The following LIMS4 variants were observed in gnomAD, a reference collection of about 807,000 sequenced individuals.
LIMS4 encodes the protein LIM zinc finger domain containing 4.
At chr2:110,375,983 CA>C in the LIMS4 span, 2 of 85,386 alleles carry the variant, frequency 2.3e-5, no homozygotes, top group African/African-American at 1.9e-4. Context: ...AAGAGGATCT[CA>C]CCAGGCTAAA....
chr2:110,397,575 AT>A, the LIMS4 span: 2 of 90,826 alleles, frequency 2.2e-5, no homozygotes, highest in Non-Finnish European at 4.6e-5. Flanking sequence ...TAGTTCCACA[AT>A]GCATATAAGG....
the LIMS4 span, chr2:110,387,601 CTCCACCTCCTGGG>C: frequency 3.7e-6 from 1 of 271,140 alleles, no homozygotes; most frequent in Non-Finnish European, 7.0e-6. Context: ...TCTCTGCAAC[CTCCACCTCCTGGG>C]TTCAAGCCAT....
the LIMS4 span, chr2:110,433,462 A>AC: frequency 1.4e-5 from 2 of 147,420 alleles, no homozygotes; most frequent in African/African-American, 5.1e-5. Flanking sequence ...CACAGAATTT[A>AC]CAGTGGTGTG....
chr2:110,410,526 TGAGA>T, the LIMS4 span, among the ~76,000 whole-genome samples: 5 of 120,610 alleles, frequency 4.1e-5, no homozygotes, highest in African/African-American at 6.9e-5. Context: ...CGAAGAGAAC[TGAGA>T]GAGAGAGAGA....
chr2:110,382,095 AAAAATATATATAT>A, the LIMS4 span, among the ~76,000 whole-genome samples: 2 of 75,054 alleles, frequency 2.7e-5, no homozygotes, highest in Non-Finnish European at 4.5e-5. Flanking sequence ...AAAAAAAAAA[AAAAATATATATAT>A]ATATATATAT....
the LIMS4 span, among the ~76,000 whole-genome samples, chr2:110,425,140 C>G: frequency 4.6e-4 from 66 of 143,100 alleles, 1 homozygote; most frequent in African/African-American, 1.9e-3. Flanking sequence ...AGGAACCCAC[C>G]GGAAGGAACC....
At chr2:110,411,578 C>T in the LIMS4 span, among the ~76,000 whole-genome samples, 13 of 137,078 alleles carry the variant, frequency 9.5e-5, no homozygotes, top group Non-Finnish European at 1.8e-4. Flanking sequence ...GTTCAACACT[C>T]ACGGATTTGA....
At chr2:110,397,395 G>C in the LIMS4 span, 2 of 146,986 alleles carry the variant, frequency 1.4e-5, no homozygotes, top group African/African-American at 5.2e-5. Context: ...CACACACACA[G>C]TATGTGAAAA....
chr2:110,382,156 T>A, the LIMS4 span, among the ~76,000 whole-genome samples: 2 of 80,176 alleles, frequency 2.5e-5, no homozygotes, highest in East Asian at 4.0e-4. Context: ...TATATACATG[T>A]TTGAACATTC....
chr2:110,389,780 C>G, the LIMS4 span, among the ~76,000 whole-genome samples: 8 of 144,650 alleles, frequency 5.5e-5, 1 homozygote, highest in Non-Finnish European at 1.2e-4. Context: ...GAAGCAGATC[C>G]TGGGTAGGTA....
chr2:110,418,650 C>CTT, the LIMS4 span, among the ~76,000 whole-genome samples: 10 of 72,504 alleles, frequency 1.4e-4, no homozygotes, highest in South Asian at 9.3e-4. Context: ...CCTTTCCTTT[C>CTT]TTTTTTTTTT....
downstream of LIMS4, among the ~76,000 whole-genome samples, chr2:110,442,810 T>C (rs1266783125): frequency 1.3e-5 from 2 of 150,274 alleles, no homozygotes; most frequent in Admixed American, 6.6e-5. Context: ...GCAATTCTCC[T>C]GCCTCAGCCT....
chr2:110,447,480 G>A lies in LIMS4; in HGVS notation c.974-320C>T, dbSNP rs1292588096. Reference sequence around the variant, plus strand: ...TTTTTTTTTTTTTTTTTTTGAGACAGAGTCTCGCTCTGTTGCCAGGCTGGA... The same window carrying A: ...TTTTTTTTTTTTTTTTTTTGAGACAAAGTCTCGCTCTGTTGCCAGGCTGGA... On this transcript the variant is annotated intron_variant, in intron 8 of 9. Transcript: ENST00000632897. 1.9e-4 allele frequency among the ~76,000 whole-genome samples: 6 copies of A among 31,376 alleles called. 2 individuals are homozygous for A. The highest frequency in any genetic ancestry group is 7.8e-5 in the Non-Finnish European group (1 of 12,818). 20.6% of individuals were successfully genotyped at this position (31,376 alleles called of 152,430 possible). A position where few individuals can be genotyped will look rare whatever the true frequency, so the allele number is the denominator to read the frequency against.
At chr2:110,387,003 A>C in the LIMS4 span, 1 of 586,520 alleles carries the variant, frequency 1.7e-6, no homozygotes, top group Admixed American at 3.0e-5. Flanking sequence ...ATGCAGCTGC[A>C]TCCACAGTTG....
At chr2:110,391,167 G>A in the LIMS4 span, among the ~76,000 whole-genome samples, 2 of 151,476 alleles carry the variant, frequency 1.3e-5, no homozygotes, top group Non-Finnish European at 2.9e-5. Flanking sequence ...GGAGGGAAGG[G>A]TGGAGCAGAT....
chr2:110,386,749 A>T, the LIMS4 span: 2 of 788,260 alleles, frequency 2.5e-6, no homozygotes, highest in Non-Finnish European at 4.3e-6. Flanking sequence ...GGCAGCACAG[A>T]GGGTCCAGGG....
At chr2:110,379,282 CTTAT>C in the LIMS4 span, among the ~76,000 whole-genome samples, 4 of 151,062 alleles carry the variant, frequency 2.6e-5, no homozygotes, top group African/African-American at 9.9e-5. Context: ...TGGCTGTTTG[CTTAT>C]TTGTTTTGTT....
chr2:110,365,401 T>A, the LIMS4 span, among the ~76,000 whole-genome samples: 1 of 143,394 alleles, frequency 7.0e-6, no homozygotes, highest in African/African-American at 2.8e-5. Context: ...AACCATAAAA[T>A]TACATGGAAA....
the LIMS4 span, among the ~76,000 whole-genome samples, chr2:110,374,393 AC>A: frequency 8.7e-6 from 1 of 115,084 alleles, no homozygotes; most frequent in Non-Finnish European, 1.6e-5. Context: ...TCCCACCTGC[AC>A]GTCTTCCTGG....
Sources: allele counts gnomAD v4.1 joint callset (sites outside exome capture counted in the v4.1 genomes callset), GRCh38; gene constraint gnomAD v4.1.1; transcripts MANE v1.5; gene names NCBI Gene and HGNC (gene_info 2026-07-23, HGNC 2026-07-21).